AGAP1: variants seen among roughly 807,000 people sequenced by gnomAD.
AGAP1 encodes arf-GAP with GTPase, ANK repeat and PH domain-containing protein 1.
AGAP1 carries 29 observed loss-of-function variants against 105.3 expected under a neutral mutation model. The ratio of observed to expected loss-of-function variants is 0.28; its 90% CI spans 0.21 to 0.38. The LOEUF (loss-of-function observed/expected upper bound fraction) is 0.38. AGAP1 is among the 10% of genes least tolerant of loss of function. The probability of loss-of-function intolerance (pLI) is 1.00; values close to 1 mark genes in which losing one functional copy is unlikely to be tolerated. For synonymous variants in AGAP1, 509 were observed against 485.9 expected (o/e 1.05, Z -0.63); for missense variants, 998 against 1,165.1 (o/e 0.86, Z 2.09).
At position 235,900,388 on chromosome 2, in the gene AGAP1, G is replaced by A. The variant is rs2051010926; in HGVS notation, c.1156-8350G>A. Among the ~76,000 whole-genome samples, 1 of 151,966 alleles carries A rather than the reference G, an allele frequency of 6.6e-6. No individual in the cohort carries two copies. Among genetic ancestry groups the A allele is most frequent in the South Asian group, 2.1e-4 (1 of 4,798 alleles). Reference sequence around the variant, plus strand: ...CTTACAGTTTAATGGAATTGTTGTTGTGTCTCGGTGGCAGCATTTCTCCCT... The same window carrying A: ...CTTACAGTTTAATGGAATTGTTGTTATGTCTCGGTGGCAGCATTTCTCCCT... On this transcript the variant is annotated intron_variant, in intron 10 of 17. Coordinates refer to ENST00000304032, the MANE Select transcript of AGAP1 (RefSeq NM_001037131.3). This position sits in a 1 kb window ranked among gnomAD's most constrained non-coding sequence, Gnocchi z 5.5.
At chr2:236,019,489 A>T (rs1181651454) in intron 13 of AGAP1, among the ~76,000 whole-genome samples, 3 of 152,196 alleles carry the variant, frequency 2.0e-5, no homozygotes, top group African/African-American at 7.2e-5. Flanking sequence ...AATTTCCAAC[A>T]TCCTGTCGTG....
Position 235,601,975 on chromosome 2 carries a change from C to T in AGAP1, c.163+107126C>T, listed in dbSNP as rs1183608628. On this transcript the variant is annotated intron_variant, in intron 1 of 17. Transcript: ENST00000304032. This position sits in a 1 kb window ranked among gnomAD's most constrained non-coding sequence, Gnocchi z 4.4. ...GGAGACTCCAGGGTGACCCCTAAAA[C>T]CCAAGTCCAATCACATTACTCCTGG... Among the ~76,000 whole-genome samples, 1 of 152,176 alleles carries T rather than the reference C, an allele frequency of 6.6e-6. No individual in the cohort carries two copies.
chr2:235,869,136 G>A (rs927074696), intron 9 of AGAP1, among the ~76,000 whole-genome samples: 11 of 152,114 alleles, frequency 7.2e-5, no homozygotes, highest in African/African-American at 2.4e-4. Flanking sequence ...AAATTTGTCT[G>A]GTGGGTGAAA....
intron 1 of AGAP1, among the ~76,000 whole-genome samples, chr2:235,591,562 C>T (rs1291495433): frequency 6.6e-6 from 1 of 152,170 alleles, no homozygotes; most frequent in East Asian, 1.9e-4. Flanking sequence ...TTGGGATAAG[C>T]ATACGGCCTC....
Position 236,025,689 on chromosome 2 carries a change from C to T in AGAP1, c.1646-10872C>T, listed in dbSNP as rs183528495. On this transcript the variant is annotated intron_variant, in intron 13 of 17. Transcript: ENST00000304032. Reference sequence around the variant, plus strand: ...ATAGGAGATCACCACCAGGATAGATCTTCTCTACTGGATTAGTCAGAACTA... The same window carrying T: ...ATAGGAGATCACCACCAGGATAGATTTTCTCTACTGGATTAGTCAGAACTA... Among the ~76,000 whole-genome samples the T allele has an allele frequency of 2.7e-3, 417 of 152,270 alleles. 4 individuals are homozygous for T. Among genetic ancestry groups the T allele is most frequent in the African/African-American group, 9.5e-3 (394 of 41,564 alleles).
In AGAP1 at chr2:235,960,009, G is replaced by A. The variant is rs1028024943; in HGVS notation, c.1484-8453G>A. On this transcript the variant is annotated intron_variant, in intron 12 of 17. Coordinates refer to ENST00000304032, the MANE Select transcript of AGAP1 (RefSeq NM_001037131.3). The surrounding 1 kb of genome is among the most constrained non-coding windows in gnomAD (Gnocchi z 4.9). ...CCAGGGCCTGGGCTATGGAGTGTTG[G>A]AGCATTGCCGTGGCAGGAGAACGCA... 2.2e-4 allele frequency among the ~76,000 whole-genome samples: 34 copies of A among 152,338 alleles called. No individual in the cohort carries two copies. Among genetic ancestry groups the A allele is most frequent in the African/African-American group, 8.2e-4 (34 of 41,582 alleles).
At position 235,753,409 on chromosome 2, in the gene AGAP1, T is replaced by C. The variant is rs1185038785; in HGVS notation, c.673+2921T>C. The stretch of plus-strand genomic sequence containing the variant: ...TTATAGAAATAATACACTCTCATTA[T>C]GTATTCGGATTTTGGCTGGGCGCAG... On this transcript the variant is annotated intron_variant, in intron 6 of 17. Coordinates refer to ENST00000304032, the MANE Select transcript of AGAP1 (RefSeq NM_001037131.3). This position sits in a 1 kb window ranked among gnomAD's most constrained non-coding sequence, Gnocchi z 4.5. Among the ~76,000 whole-genome samples, 2 of 152,174 alleles carry C rather than the reference T, an allele frequency of 1.3e-5. No individual in the cohort carries two copies. Among genetic ancestry groups the C allele is most frequent in the African/African-American group, 2.4e-5 (1 of 41,442 alleles).
rs1271269659 is a variant in AGAP1 at position 235,714,517 on chromosome 2, G to A, written c.223-3040G>A. Among the ~76,000 whole-genome samples the A allele has an allele frequency of 2.0e-5, 3 of 151,950 alleles. No individual in the cohort carries two copies. Among genetic ancestry groups the A allele is most frequent in the Non-Finnish European group, 4.4e-5 (3 of 67,998 alleles). The stretch of plus-strand genomic sequence containing the variant: ...AGGCCTGTTAGGATGGGGCTTGGTA[G>A]CTGATTGACTAGAAGGCCAAGCAGG... On this transcript the variant is annotated intron_variant, in intron 2 of 17. Coordinates refer to ENST00000304032, the MANE Select transcript of AGAP1 (RefSeq NM_001037131.3). The surrounding 1 kb of genome is among the most constrained non-coding windows in gnomAD (Gnocchi z 4.1).
chr2:235,603,768 A>G (rs926014647), intron 1 of AGAP1, among the ~76,000 whole-genome samples: 10 of 152,082 alleles, frequency 6.6e-5, no homozygotes, highest in Non-Finnish European at 1.5e-5. Context: ...TTCTCCTCTC[A>G]TATCTGTGAA....
chr2:235,919,162 G>T lies in AGAP1; in HGVS notation c.1324+10256G>T, dbSNP rs774566535. On this transcript the variant is annotated intron_variant, in intron 11 of 17. Coordinates refer to ENST00000304032, the MANE Select transcript of AGAP1 (RefSeq NM_001037131.3). This position sits in a 1 kb window ranked among gnomAD's most constrained non-coding sequence, Gnocchi z 4.1. ...GGAAGAGCCTCTGTGAATTACCCGC[G>T]CCCCCTCCACCAGGGAGCCAGCTGC... Among the ~76,000 whole-genome samples, 19 of 152,154 alleles carry T rather than the reference G, an allele frequency of 1.2e-4. No individual in the cohort carries two copies. Among genetic ancestry groups the T allele is most frequent in the African/African-American group, 4.6e-4 (19 of 41,522 alleles).
chr2:236,021,639 G>A (rs1306976949), intron 13 of AGAP1, among the ~76,000 whole-genome samples: 1 of 152,162 alleles, frequency 6.6e-6, no homozygotes, highest in African/African-American at 2.4e-5. Context: ...AGGGTATCTG[G>A]GACAGAGAAA....
intron 1 of AGAP1, among the ~76,000 whole-genome samples, chr2:235,694,836 C>T (rs991284225): frequency 3.3e-5 from 5 of 152,090 alleles, no homozygotes; most frequent in African/African-American, 7.2e-5. Flanking sequence ...GAAGCAAACG[C>T]GTCTCAGACT....
rs145424728 is a variant in AGAP1, at chr2:235,711,677, G to A, written c.222+2440G>A. Among the ~76,000 whole-genome samples, 126 of 152,274 alleles carry A rather than the reference G, an allele frequency of 8.3e-4. 2 individuals are homozygous for A. In the East Asian group the frequency reaches 0.023, roughly 28 times the overall value. ...AGTGCCTTCTTGTTGTGGCATCAGC[G>A]GGCACTCGTCCTCATCGGCACCCCC... On this transcript the variant is annotated intron_variant, in intron 2 of 17. Coordinates refer to ENST00000304032, the MANE Select transcript of AGAP1 (RefSeq NM_001037131.3).
At chr2:235,844,752 C>G (rs75454499) in intron 9 of AGAP1, among the ~76,000 whole-genome samples, 3,503 of 152,284 alleles carry the variant, frequency 0.023, 121 homozygotes, top group African/African-American at 0.08. Flanking sequence ...CCATCCATCA[C>G]TCATCCACCT....
chr2:235,937,470 CAG>C (rs1008397536), intron 12 of AGAP1, among the ~76,000 whole-genome samples: 2 of 152,358 alleles, frequency 1.3e-5, no homozygotes, highest in African/African-American at 4.8e-5. Flanking sequence ...CCAGGGGAAA[CAG>C]AGGACAGTGA....
chr2:235,520,358 C>T (rs760126863), intron 1 of AGAP1, among the ~76,000 whole-genome samples: 2 of 152,226 alleles, frequency 1.3e-5, no homozygotes, highest in Non-Finnish European at 2.9e-5. Context: ...TGAAACTCCT[C>T]CAATGAGTAG....
At chr2:235,885,562 A>T (rs531579550) in intron 10 of AGAP1, among the ~76,000 whole-genome samples, 2 of 152,292 alleles carry the variant, frequency 1.3e-5, no homozygotes, top group South Asian at 4.1e-4. Context: ...GTATCAGTTT[A>T]TCTCATCTGG....
Position 236,046,747 on chromosome 2 carries a change from G to C in AGAP1, c.1892-2312G>C, listed in dbSNP as rs1390569536. Among the ~76,000 whole-genome samples, 1 of 152,174 alleles carries C rather than the reference G, an allele frequency of 6.6e-6. No homozygotes were observed. Among genetic ancestry groups the C allele is most frequent in the African/African-American group, 2.4e-5 (1 of 41,438 alleles). ...GAGATGACCCCACAGGAGCCCTGAG[G>C]TCAGGGAGGAAGAGCTGGGAAAGAG... On this transcript the variant is annotated intron_variant, in intron 15 of 17. Coordinates refer to ENST00000304032, the MANE Select transcript of AGAP1 (RefSeq NM_001037131.3). This position sits in a 1 kb window ranked among gnomAD's most constrained non-coding sequence, Gnocchi z 5.2.
rs1352653486 is a variant in AGAP1, at chr2:235,977,930, G to T, written c.1645+9307G>T. On this transcript the variant is annotated intron_variant, in intron 13 of 17. Transcript: ENST00000304032. This position sits in a 1 kb window ranked among gnomAD's most constrained non-coding sequence, Gnocchi z 5.2. The stretch of plus-strand genomic sequence containing the variant: ...TTATCATGGTTCTGAAGGCTGCAAA[G>T]TCCAAGATCACGGCACCAGCTGATT... Among the ~76,000 whole-genome samples, 1 of 152,186 alleles carries T rather than the reference G, an allele frequency of 6.6e-6. No homozygotes were observed. The highest frequency in any genetic ancestry group is 1.5e-5 in the Non-Finnish European group (1 of 68,042).
Sources: gnomAD v4.1 joint callset for allele counts (sites outside exome capture counted in the v4.1 genomes callset) on GRCh38, gnomAD v4.1.1 for gene constraint, Gnocchi (gnomAD v3.1) non-coding constraint, MANE v1.5 for transcripts, NCBI Gene and HGNC (gene_info 2026-07-23, HGNC 2026-07-21) for gene names.